CAMKK1: variants seen among roughly 807,000 people sequenced by gnomAD.
The protein encoded by CAMKK1 is calcium/calmodulin-dependent protein kinase kinase 1.
A neutral mutation model predicts 63.5 loss-of-function variants in CAMKK1; 20 were observed. That is an observed-to-expected ratio of 0.32 (90% CI 0.22 to 0.46). CAMKK1 has a LOEUF of 0.46. Ranked by LOEUF, CAMKK1 falls within the 20% of genes least tolerant of loss-of-function variation. The pLI is 1.00. For missense variants in CAMKK1, 588 were observed against 658.1 expected, an observed-to-expected ratio of 0.89 and a Z score of 1.17; for synonymous variants, 253 against 269.0, an observed-to-expected ratio of 0.94 and a Z score of 0.58.
intron 12 of CAMKK1, among the ~76,000 whole-genome samples, chr17:3,871,559 T>G (rs916436215): frequency 4.7e-5 from 7 of 150,132 alleles, no homozygotes; most frequent in African/African-American, 1.7e-4. Context: ...GGTTTCACCG[T>G]GTTAGCCAGG....
In CAMKK1 at chr17:3,884,934, A is replaced by G. The variant is rs1490062685; in HGVS notation, c.360+394T>C. ...GGCAAGAACTCCAGCAGAAGCCCAG[A>G]GGCTGGAGGCAGGCCGGCCGCTTCT... On this transcript the variant is annotated intron_variant, in intron 2 of 15. Transcript: ENST00000348335. This position sits in a 1 kb window ranked among gnomAD's most constrained non-coding sequence, Gnocchi z 4.5. 2.6e-5 allele frequency among the ~76,000 whole-genome samples: 4 copies of G among 152,322 alleles called. No homozygotes were observed. Among genetic ancestry groups the G allele is most frequent in the Non-Finnish European group, 5.9e-5 (4 of 68,038 alleles).
At chr17:3,869,038 G>A (rs1428010815) in intron 14 of CAMKK1, among the ~76,000 whole-genome samples, 5 of 149,816 alleles carry the variant, frequency 3.3e-5, no homozygotes, top group African/African-American at 1.2e-4. Flanking sequence ...GCGCGATCTC[G>A]GCTCACGGCA....
intron 12 of CAMKK1, among the ~76,000 whole-genome samples, chr17:3,871,366 T>G (rs1156970288): frequency 5.6e-5 from 7 of 125,712 alleles, no homozygotes; most frequent in East Asian, 2.6e-4. Flanking sequence ...TTTTTTTTTT[T>G]TTTTTTGAGA....
chr17:3,891,545 G>A (rs920314335), intron 1 of CAMKK1, among the ~76,000 whole-genome samples: 1 of 152,150 alleles, frequency 6.6e-6, no homozygotes, highest in African/African-American at 2.4e-5. Flanking sequence ...GCCATGAGGG[G>A]ACAGTGCTTG....
chr17:3,867,573 A>G (rs1431111990), intron 14 of CAMKK1, among the ~76,000 whole-genome samples: 1 of 152,134 alleles, frequency 6.6e-6, no homozygotes, highest in African/African-American at 2.4e-5. Flanking sequence ...GTGGTCTGAG[A>G]GAGAGGAGAT....
chr17:3,870,520 C>T (rs535285499), intron 12 of CAMKK1, among the ~76,000 whole-genome samples: 21 of 152,238 alleles, frequency 1.4e-4, no homozygotes, highest in South Asian at 4.1e-4. Context: ...TGCCCGCCAC[C>T]GTGCCCGGCT....
At position 3,861,810 on chromosome 17, in the gene CAMKK1, G is replaced by A. The variant is rs1440612352; in HGVS notation, c.*401C>T. 6 of 234,896 alleles carry A rather than the reference G, an allele frequency of 2.6e-5. No individual in the cohort carries two copies. Among genetic ancestry groups the A allele is most frequent in the African/African-American group, 4.5e-5 (2 of 44,804 alleles). 14.6% of individuals were successfully genotyped at this position (234,896 alleles called of 1,614,324 possible). A position where few individuals can be genotyped will look rare whatever the true frequency, so the allele number is the denominator to read the frequency against. ...TGTGGCAGCTGAGCCAGGCCTGCCC[G>A]GCCCCAGCGGGAGGTCTCTTCCGTT... On this transcript the variant is annotated 3_prime_UTR_variant, in exon 16 of 16. Transcript: ENST00000348335.
rs1270898908 is a variant in CAMKK1 at position 3,891,108 on chromosome 17, T to TTG, written c.-44+1829_-44+1830dup. ...AAGTGGCCTCAGACTGGGGGCAAGG[T>TTG]TGGGGGGGGGGTCACAGGCTAGGGA... On this transcript the variant is annotated intron_variant, in intron 1 of 15. Coordinates refer to ENST00000348335, the MANE Select transcript of CAMKK1 (RefSeq NM_032294.3). 3.3e-3 allele frequency among the ~76,000 whole-genome samples: 379 copies of TTG among 115,064 alleles called. 3 individuals carry two copies. The highest frequency in any genetic ancestry group is 0.016 in the African/African-American group (347 of 22,330). 75.5% of individuals were successfully genotyped at this position (115,064 alleles called of 152,430 possible).
At chr17:3,872,801 G>A (rs2054950435) in intron 11 of CAMKK1, among the ~76,000 whole-genome samples, 174 bp from the exon 12 acceptor site, 1 of 152,188 alleles carries the variant, frequency 6.6e-6, no homozygotes, top group African/African-American at 2.4e-5. Context: ...CTGAATGAAT[G>A]AGTTGCTGAG....
In CAMKK1 at chr17:3,861,204, A is replaced by C. The variant is rs1004681419; in HGVS notation, c.*1007T>G. 8 of 152,316 alleles carry C rather than the reference A, an allele frequency of 5.3e-5. No homozygotes were observed. Among genetic ancestry groups the C allele is most frequent in the Admixed American group, 2.6e-4 (4 of 15,284 alleles). The allele number at this position is 152,316 out of a possible 1,614,324, so 9.4% of individuals were successfully genotyped here. ...GTCTCGTGATCCCTCCGACCTGGAC[A>C]GTTTGTCCTTCGTTGTAGGAGTGTG... On this transcript the variant is annotated 3_prime_UTR_variant, in exon 16 of 16. Transcript: ENST00000348335.
Position 3,883,406 on chromosome 17 carries a change from G to T in CAMKK1, c.514+23C>A, listed in dbSNP as rs934087672. On this transcript the variant is annotated intron_variant, in intron 5 of 15. Coordinates refer to ENST00000348335, the MANE Select transcript of CAMKK1 (RefSeq NM_032294.3). The surrounding 1 kb of genome is among the most constrained non-coding windows in gnomAD (Gnocchi z 4.7). Reference sequence around the variant, plus strand: ...CTGCCTCCAGGCTAGGAGCTCCCAGGGACAGGATCAGAAGATACATACGTG... The same window carrying T: ...CTGCCTCCAGGCTAGGAGCTCCCAGTGACAGGATCAGAAGATACATACGTG... 1 of 1,610,462 alleles carries T rather than the reference G, an allele frequency of 6.2e-7. No homozygotes were observed. Among genetic ancestry groups the T allele is most frequent in the African/African-American group, 1.3e-5 (1 of 74,830 alleles).
At chr17:3,881,578 G>A (rs760507627) in intron 8 of CAMKK1, 49 bp downstream of exon 8, 1 of 1,549,308 alleles carries the variant, frequency 6.5e-7, no homozygotes, top group Admixed American at 1.9e-5. Flanking sequence ...GGGAAAGGAA[G>A]GAAGGCCTGG....
rs1051373166 is a variant in CAMKK1 at position 3,860,772 on chromosome 17, C to G, written c.*1439G>C. ...GATGCATGTACCAGTGCAGGACATA[C>G]GAGTGAGCTGTGTGCAACAGATGAG... On this transcript the variant is annotated 3_prime_UTR_variant, in exon 16 of 16. Coordinates refer to ENST00000348335, the MANE Select transcript of CAMKK1 (RefSeq NM_032294.3). 1 of 152,250 alleles carries G rather than the reference C, an allele frequency of 6.6e-6. No homozygotes were observed. Among genetic ancestry groups the G allele is most frequent in the African/African-American group, 2.4e-5 (1 of 41,450 alleles). 9.4% of individuals were successfully genotyped at this position (152,250 alleles called of 1,614,324 possible).
At chr17:3,866,053 TC>T (rs779232311) in intron 14 of CAMKK1, 42 bp from the exon 15 acceptor site, 1 of 1,604,624 alleles carries the variant, frequency 6.2e-7, no homozygotes, top group Non-Finnish European at 8.5e-7. Context: ...GGTCCCAGGC[TC>T]CCAGACACGC....
Position 3,862,655 on chromosome 17 carries a change from C to A in CAMKK1, c.1446-372G>T, listed in dbSNP as rs893701852. The stretch of plus-strand genomic sequence containing the variant: ...TGGTTTTGTTGTTGTTTTGAGACAG[C>A]GTCTCGCTCTGTCGTGCAGGCTGCA... On this transcript the variant is annotated intron_variant, in intron 15 of 15. Transcript: ENST00000348335. This position sits in a 1 kb window ranked among gnomAD's most constrained non-coding sequence, Gnocchi z 4.1. Among the ~76,000 whole-genome samples, 1 of 152,180 alleles carries A rather than the reference C, an allele frequency of 6.6e-6. No individual in the cohort carries two copies. The highest frequency in any genetic ancestry group is 1.5e-5 in the Non-Finnish European group (1 of 68,026).
intron 15 of CAMKK1, among the ~76,000 whole-genome samples, chr17:3,863,543 A>C (rs1418335519): frequency 1.3e-5 from 2 of 152,188 alleles, no homozygotes; most frequent in Non-Finnish European, 2.9e-5. Flanking sequence ...AAGGATAAAT[A>C]TTGGGACTTG....
At chr17:3,866,948 T>C (rs2061002270) in intron 14 of CAMKK1, among the ~76,000 whole-genome samples, 1 of 152,186 alleles carries the variant, frequency 6.6e-6, no homozygotes, top group Non-Finnish European at 1.5e-5. Context: ...CTCAAACTCC[T>C]GACCTCAAGT....
At chr17:3,888,722 C>T (rs2055768378) in intron 1 of CAMKK1, among the ~76,000 whole-genome samples, 1 of 152,222 alleles carries the variant, frequency 6.6e-6, no homozygotes, top group Non-Finnish European at 1.5e-5. Flanking sequence ...GTCAGGCTCC[C>T]CATCCCTCCC....
chr17:3,891,990 C>T (rs2055919556), intron 1 of CAMKK1, among the ~76,000 whole-genome samples: 1 of 152,088 alleles, frequency 6.6e-6, no homozygotes, highest in Non-Finnish European at 1.5e-5. Context: ...GTGTGTGCGC[C>T]TGGGACGCAG....
Sources: gnomAD v4.1 joint callset for allele counts (sites outside exome capture counted in the v4.1 genomes callset) on GRCh38, gnomAD v4.1.1 for gene constraint, Gnocchi (gnomAD v3.1) non-coding constraint, MANE v1.5 for transcripts, NCBI Gene and HGNC (gene_info 2026-07-23, HGNC 2026-07-21) for gene names.